IPO11: variants seen among roughly 807,000 people sequenced by gnomAD.
IPO11 encodes importin-11.
IPO11 carries 66 observed loss-of-function variants against 143.2 expected under a neutral mutation model. The observed-to-expected ratio is 0.46, with a 90% CI of 0.38 to 0.57. The LOEUF (loss-of-function observed/expected upper bound fraction) is 0.57. Ranked by LOEUF, IPO11 falls within the 20% of genes least tolerant of loss-of-function variation. The pLI is 0.00. For synonymous variants in IPO11, 385 were observed against 377.8 expected (o/e 1.02, Z -0.22); for missense variants, 1,026 against 1,141.0 (o/e 0.90, Z 1.45).
intron 12 of IPO11, among the ~76,000 whole-genome samples, chr5:62,487,368 C>T (rs986231091): frequency 6.6e-6 from 1 of 151,954 alleles, no homozygotes; most frequent in Non-Finnish European, 1.5e-5. Flanking sequence ...TGCACTCCAG[C>T]CTGGTGACAG....
intron 27 of IPO11, among the ~76,000 whole-genome samples, chr5:62,589,276 C>T (rs1012573859): frequency 2.0e-5 from 3 of 152,154 alleles, no homozygotes; most frequent in African/African-American, 7.2e-5. Context: ...AATTGTCACT[C>T]CCCTTCCTCA....
chr5:62,605,598 A>G (rs1352268983), intron 29 of IPO11, among the ~76,000 whole-genome samples: 1 of 151,160 alleles, frequency 6.6e-6, no homozygotes, highest in Non-Finnish European at 1.5e-5. Context: ...TAACATCTTT[A>G]GTTTTTTGTA....
At chr5:62,439,293 T>G (rs914923974) in intron 2 of IPO11, among the ~76,000 whole-genome samples, 2 of 139,954 alleles carry the variant, frequency 1.4e-5, no homozygotes, top group Non-Finnish European at 3.1e-5. Context: ...GGTTTTTTTT[T>G]TTTTTTTTTT....
At chr5:62,598,391 G>GCTTTCTTT (rs1214176867) in intron 28 of IPO11, among the ~76,000 whole-genome samples, 7 of 36,504 alleles carry the variant, frequency 1.9e-4, no homozygotes, top group African/African-American at 2.2e-4. Context: ...TTGCTTGCTT[G>GCTTTCTTT]CTTTCTTTCT....
At chr5:62,511,544 C>A (rs1741747775) in intron 19 of IPO11, among the ~76,000 whole-genome samples, 1 of 152,114 alleles carries the variant, frequency 6.6e-6, no homozygotes, top group Non-Finnish European at 1.5e-5. Context: ...TATTTAACTT[C>A]TTATTTTTCT....
chr5:62,421,167 T>C (rs1174454193), intron 1 of IPO11, among the ~76,000 whole-genome samples: 2 of 152,254 alleles, frequency 1.3e-5, no homozygotes, highest in Non-Finnish European at 2.9e-5. Flanking sequence ...GCTCTTCTTT[T>C]CTATATATTT....
chr5:62,491,587 T>A (rs1470809875), intron 15 of IPO11, among the ~76,000 whole-genome samples: 1 of 152,104 alleles, frequency 6.6e-6, no homozygotes, highest in Non-Finnish European at 1.5e-5. Context: ...ATTTAAAATT[T>A]AAAGCCATGT....
intron 7 of IPO11, among the ~76,000 whole-genome samples, chr5:62,471,576 T>G (rs573977796): frequency 2.0e-5 from 3 of 152,342 alleles, no homozygotes; most frequent in African/African-American, 7.2e-5. Flanking sequence ...TTATTCTGGA[T>G]AGACCTTCTC....
chr5:62,427,294 G>T (rs1200508105), intron 1 of IPO11, among the ~76,000 whole-genome samples: 1 of 152,102 alleles, frequency 6.6e-6, no homozygotes, highest in African/African-American at 2.4e-5. Flanking sequence ...CCAAGCAGAA[G>T]TTTGTAGGTC....
chr5:62,519,056 A>G (rs1451861865), intron 20 of IPO11, among the ~76,000 whole-genome samples: 1 of 152,176 alleles, frequency 6.6e-6, no homozygotes, highest in Non-Finnish European at 1.5e-5. Context: ...GGCGGGGCAC[A>G]TTAGGGAAGG....
At chr5:62,544,343 A>T (rs1402362333) in intron 24 of IPO11, among the ~76,000 whole-genome samples, 1 of 152,188 alleles carries the variant, frequency 6.6e-6, no homozygotes, top group Non-Finnish European at 1.5e-5. Context: ...ACAGAACCAA[A>T]GACAAAAACC....
intron 27 of IPO11, among the ~76,000 whole-genome samples, chr5:62,585,547 A>G (rs1172981385): frequency 6.6e-6 from 1 of 152,186 alleles, no homozygotes; most frequent in Non-Finnish European, 1.5e-5. Flanking sequence ...GAACCAGGTC[A>G]TATATAGGGC....
intron 1 of IPO11, chr5:62,419,160 T>C: frequency 6.5e-7 from 1 of 1,540,972 alleles, no homozygotes; most frequent in Non-Finnish European, 8.7e-7. Flanking sequence ...ATGTCTAAAC[T>C]TAGAAAGGTA....
chr5:62,503,637 T>G (rs1350811993), intron 16 of IPO11, among the ~76,000 whole-genome samples: 1 of 152,052 alleles, frequency 6.6e-6, no homozygotes, highest in African/African-American at 2.4e-5. Flanking sequence ...GGCAGCAAAT[T>G]TGTTAAATCT....
intron 14 of IPO11, 152 bp downstream of exon 14, chr5:62,489,501 A>G: frequency 1.9e-6 from 1 of 540,048 alleles, no homozygotes; most frequent in South Asian, 2.9e-5. Flanking sequence ...TAAACAGATA[A>G]TGTATTATAA....
rs146573146 is a variant in IPO11, at chr5:62,530,760, A to G, written c.2064A>G (p.Ile688Met). The change falls in exon 22 of 30, where the codon ATA becomes ATG. Residue 688 changes from isoleucine to methionine, a missense_variant. Transcript: ENST00000325324. The part of the protein sequence containing the change: ...SPCITPELLR[I>M]FQNMSPLLEL... ...GTATTACACCAGAGTTGCTTCGTAT[A>G]TTTCAGAATATGTCACCACTTCTTG... The G allele has an allele frequency of 3.7e-6, 6 of 1,612,136 alleles. No homozygotes were observed. Among genetic ancestry groups the G allele is most frequent in the East Asian group, 2.2e-5 (1 of 44,790 alleles).
At chr5:62,433,635 C>T (rs1448104660) in intron 1 of IPO11, among the ~76,000 whole-genome samples, 5 of 152,154 alleles carry the variant, frequency 3.3e-5, no homozygotes, top group African/African-American at 1.2e-4. Flanking sequence ...TGAGCTCTTC[C>T]CCGCCAGACT....
chr5:62,444,407 A>G (rs1744636608), intron 3 of IPO11, among the ~76,000 whole-genome samples: 3 of 152,016 alleles, frequency 2.0e-5, no homozygotes, highest in South Asian at 2.1e-4. Context: ...AATTTTTTAC[A>G]TAGGATTAAT....
chr5:62,591,272 T>C (rs1390168589), intron 27 of IPO11, among the ~76,000 whole-genome samples: 1 of 152,212 alleles, frequency 6.6e-6, no homozygotes, highest in Non-Finnish European at 1.5e-5. Context: ...TTGTCAATAC[T>C]CTATGTCTTT....
Sources: allele counts gnomAD v4.1 joint callset (sites outside exome capture counted in the v4.1 genomes callset), GRCh38; gene constraint gnomAD v4.1.1; transcripts MANE v1.5; gene names NCBI Gene and HGNC (gene_info 2026-07-23, HGNC 2026-07-21).